DPYD: variants seen among roughly 807,000 people sequenced by gnomAD.
The protein encoded by DPYD is dihydropyrimidine dehydrogenase [NADP(+)].
Under a neutral mutation model 116.2 loss-of-function variants are expected in DPYD, and 109 were observed. The observed-to-expected ratio is 0.94, with a 90% CI of 0.80 to 1.10. The LOEUF (loss-of-function observed/expected upper bound fraction) is 1.10, where lower values mean the gene tolerates loss of function less well. Among genes scored for constraint, DPYD ranks in the 50% least tolerant of loss-of-function variants. The probability of loss-of-function intolerance (pLI) is 0.00; values close to 1 mark genes in which losing one functional copy is unlikely to be tolerated. For missense variants in DPYD, 1,302 were observed against 1,254.5 expected (o/e 1.04, Z -0.57); for synonymous variants, 440 against 432.0 (o/e 1.02, Z -0.23).
chr1:97,774,952 C>G lies in DPYD; in HGVS notation c.234-34473G>C, dbSNP rs113994725. Reference sequence around the variant, plus strand: ...TGCTAGAAATAGCATCCTCAAAGGTCACCTCACTGCATGCCAAACTGGAGT... The same window carrying G: ...TGCTAGAAATAGCATCCTCAAAGGTGACCTCACTGCATGCCAAACTGGAGT... On this transcript the variant is annotated intron_variant, in intron 3 of 22. Transcript: ENST00000370192. The G allele has an allele frequency of 5.6e-4, 192 of 341,738 alleles. 2 individuals are homozygous for G. The highest frequency in any genetic ancestry group is 3.9e-3 in the African/African-American group (181 of 46,206). The allele number at this position is 341,738 out of a possible 1,614,324, so 21.2% of individuals were successfully genotyped here. A position where few individuals can be genotyped will look rare whatever the true frequency, so the allele number is the denominator to read the frequency against.
At chr1:97,260,269 ACT>A (rs1035636231) in intron 18 of DPYD, among the ~76,000 whole-genome samples, 2 of 151,988 alleles carry the variant, frequency 1.3e-5, no homozygotes, top group African/African-American at 2.4e-5. Context: ...ATAAAAGAAT[ACT>A]CTCTTATATA....
At chr1:97,595,224 T>C in intron 8 of DPYD, 58 bp from the exon 9 acceptor site, 1 of 1,387,412 alleles carries the variant, frequency 7.2e-7, no homozygotes, top group East Asian at 2.3e-5. Context: ...TCCTATTAGA[T>C]ATTAAAACAA....
At chr1:97,850,241 T>C (rs1331835002) in intron 2 of DPYD, among the ~76,000 whole-genome samples, 1 of 152,150 alleles carries the variant, frequency 6.6e-6, no homozygotes, top group African/African-American at 2.4e-5. Context: ...TTGAAATAGG[T>C]CTCCAAATAT....
chr1:97,295,660 G>T (rs1211111469), intron 18 of DPYD: 4 of 565,020 alleles, frequency 7.1e-6, no homozygotes, highest in Non-Finnish European at 9.0e-6. Context: ...CAAACTCCTG[G>T]GCTCAAGCAA....
intron 18 of DPYD, among the ~76,000 whole-genome samples, chr1:97,296,693 T>C (rs1666557584): frequency 6.6e-6 from 1 of 152,094 alleles, no homozygotes. Flanking sequence ...AGTCCATTTA[T>C]AGACATATAT....
intron 19 of DPYD, among the ~76,000 whole-genome samples, chr1:97,195,834 G>A (rs1160019930): frequency 6.6e-6 from 1 of 150,878 alleles, no homozygotes; most frequent in Non-Finnish European, 1.5e-5. Flanking sequence ...AGAGATCCAA[G>A]AGAGTTAAGT....
intron 8 of DPYD, among the ~76,000 whole-genome samples, chr1:97,599,902 C>T (rs921818115): frequency 7.1e-6 from 1 of 141,610 alleles, no homozygotes; most frequent in Non-Finnish European, 1.5e-5. Flanking sequence ...AAAAATTAGC[C>T]GGGCGTGCTG....
intron 20 of DPYD, among the ~76,000 whole-genome samples, chr1:97,104,585 T>G (rs1650998889): frequency 6.6e-6 from 1 of 151,908 alleles, no homozygotes; most frequent in South Asian, 2.1e-4. Flanking sequence ...CTAGAAGAGG[T>G]GTCATCCGAG....
At chr1:97,423,156 G>GAGAAATCATATTGTA (rs1553173288) in intron 14 of DPYD, among the ~76,000 whole-genome samples, 1 of 152,242 alleles carries the variant, frequency 6.6e-6, no homozygotes, top group East Asian at 1.9e-4. Flanking sequence ...GTCCTAGCAA[G>GAGAAATCATATTGTA]AGAAATCATA....
chr1:97,351,010 T>C lies in DPYD; in HGVS notation c.2058+22551A>G, dbSNP rs937455760. Among the ~76,000 whole-genome samples the C allele has an allele frequency of 2.0e-5, 3 of 152,262 alleles. No individual in the cohort carries two copies. In the East Asian group the frequency reaches 5.8e-4, roughly 29 times the overall value. On this transcript the variant is annotated intron_variant, in intron 16 of 22. Coordinates refer to ENST00000370192, the MANE Select transcript of DPYD (RefSeq NM_000110.4). ...GTCGTGGCCTTCAGGAAAGAATCTG[T>C]GGGAGGTTTGCTGAACTTTGTATCT...
intron 3 of DPYD, among the ~76,000 whole-genome samples, chr1:97,817,993 T>C (rs1440482394): frequency 1.3e-5 from 2 of 152,026 alleles, no homozygotes; most frequent in South Asian, 2.1e-4. Flanking sequence ...TTTTCTTTGG[T>C]AGCAAAACAA....
chr1:97,286,920 C>T (rs145261174), intron 18 of DPYD, among the ~76,000 whole-genome samples: 11,663 of 152,276 alleles, frequency 0.077, 1,002 homozygotes, highest in African/African-American at 0.21. Context: ...TCTCTCAACT[C>T]GTCAAAGTCA....
At chr1:97,855,377 G>C (rs1305796878) in intron 2 of DPYD, 1 of 152,116 alleles carries the variant, frequency 6.6e-6, no homozygotes, top group Non-Finnish European at 1.5e-5. Flanking sequence ...TAGGGACAAA[G>C]AACAGACTAC....
At chr1:97,461,497 C>T (rs1224901199) in intron 13 of DPYD, among the ~76,000 whole-genome samples, 1 of 152,002 alleles carries the variant, frequency 6.6e-6, no homozygotes, top group African/African-American at 2.4e-5. Flanking sequence ...CCTTCCTCAC[C>T]AATATCCTAC....
chr1:97,253,774 A>G (rs972201052), intron 18 of DPYD, among the ~76,000 whole-genome samples: 12 of 152,144 alleles, frequency 7.9e-5, no homozygotes, highest in African/African-American at 2.9e-4. Context: ...GTCTAAAATC[A>G]TTAAAAAATA....
At chr1:97,266,777 G>T (rs898110188) in intron 18 of DPYD, among the ~76,000 whole-genome samples, 4 of 152,086 alleles carry the variant, frequency 2.6e-5, no homozygotes, top group Admixed American at 6.5e-5. Flanking sequence ...AGAACATGGG[G>T]TGTTTGGTTT....
At chr1:97,278,570 G>T (rs1665103544) in intron 18 of DPYD, among the ~76,000 whole-genome samples, 1 of 152,136 alleles carries the variant, frequency 6.6e-6, no homozygotes, top group Admixed American at 6.5e-5. Context: ...ATACCTGGTG[G>T]TTTTATTAAA....
At chr1:97,901,227 A>G (rs1004300017) in intron 1 of DPYD, among the ~76,000 whole-genome samples, 2 of 151,828 alleles carry the variant, frequency 1.3e-5, no homozygotes, top group African/African-American at 4.8e-5. Flanking sequence ...CAGATTATGG[A>G]CTGTTATTCA....
chr1:97,796,490 T>A (rs1459069087), intron 3 of DPYD, among the ~76,000 whole-genome samples: 2 of 152,094 alleles, frequency 1.3e-5, no homozygotes, highest in African/African-American at 4.8e-5. Flanking sequence ...ACATCCTAAT[T>A]ATGCCCATGA....
Sources: gnomAD v4.1 joint callset for allele counts (sites outside exome capture counted in the v4.1 genomes callset) on GRCh38, gnomAD v4.1.1 for gene constraint, MANE v1.5 for transcripts, NCBI Gene and HGNC (gene_info 2026-07-23, HGNC 2026-07-21) for gene names.